NRXN3: variants seen among roughly 807,000 people sequenced by gnomAD.
NRXN3 encodes the protein neurexin III.
NRXN3 carries 32 observed loss-of-function variants against 137.6 expected under a neutral mutation model. That is an observed-to-expected ratio of 0.23 (90% CI 0.18 to 0.31). The LOEUF is 0.31. Ranked by LOEUF, NRXN3 falls within the 10% of genes least tolerant of loss-of-function variation. The pLI is 1.00. For missense variants in NRXN3, 1,574 were observed against 2,062.5 expected (o/e 0.76, Z 4.59); for synonymous variants, 798 against 784.5 (o/e 1.02, Z -0.29).
At chr14:79,387,869 C>T (rs1278491843) in intron 15 of NRXN3, among the ~76,000 whole-genome samples, 8 of 147,878 alleles carry the variant, frequency 5.4e-5, no homozygotes, top group East Asian at 2.0e-4. Context: ...AACCAAACAC[C>T]GCATGTTCTC....
At chr14:78,844,354 A>G (rs888598521) in intron 10 of NRXN3, among the ~76,000 whole-genome samples, 1 of 152,116 alleles carries the variant, frequency 6.6e-6, no homozygotes, top group African/African-American at 2.4e-5. Context: ...GCCATATGAG[A>G]TAACATTTAT....
At chr14:78,454,683 A>G (rs1458078376) in intron 4 of NRXN3, among the ~76,000 whole-genome samples, 3 of 152,222 alleles carry the variant, frequency 2.0e-5, no homozygotes, top group African/African-American at 4.8e-5. Flanking sequence ...ATAAGGTGCT[A>G]TGGTGCATAG....
chr14:78,799,180 G>T (rs1052117614), intron 8 of NRXN3, among the ~76,000 whole-genome samples: 3 of 152,102 alleles, frequency 2.0e-5, no homozygotes, highest in African/African-American at 7.2e-5. Context: ...TTGGACCTTT[G>T]TGTTCTATTT....
At chr14:78,189,454 T>G (rs1363757409) in intron 1 of NRXN3, among the ~76,000 whole-genome samples, 1 of 152,318 alleles carries the variant, frequency 6.6e-6, no homozygotes, top group African/African-American at 2.4e-5. Flanking sequence ...ACCCAGCACC[T>G]TCCTGCCCTT....
At chr14:78,805,611 A>C (rs1351087807) in intron 9 of NRXN3, among the ~76,000 whole-genome samples, 1 of 151,808 alleles carries the variant, frequency 6.6e-6, no homozygotes, top group African/African-American at 2.4e-5. Context: ...AAAAAAAAAA[A>C]AAACAGAACC....
chr14:78,719,430 C>CAGG (rs1349485579), intron 8 of NRXN3, among the ~76,000 whole-genome samples: 4 of 152,086 alleles, frequency 2.6e-5, no homozygotes, highest in Non-Finnish European at 4.4e-5. Flanking sequence ...GCAGCAGCAG[C>CAGG]AGCAAAAGCA....
chr14:79,277,410 T>C (rs958094281), intron 15 of NRXN3, among the ~76,000 whole-genome samples: 6 of 152,144 alleles, frequency 3.9e-5, no homozygotes, highest in Non-Finnish European at 8.8e-5. Flanking sequence ...AGTGGTTGAA[T>C]TGAGTGGAAA....
chr14:78,566,191 A>G (rs1222042513), intron 4 of NRXN3, among the ~76,000 whole-genome samples: 1 of 151,898 alleles, frequency 6.6e-6, no homozygotes, highest in Non-Finnish European at 1.5e-5. Context: ...CTCTAAAAAC[A>G]GGTGCCCCCG....
At chr14:79,828,406 G>A (rs953466827) in intron 20 of NRXN3, among the ~76,000 whole-genome samples, 29 of 151,962 alleles carry the variant, frequency 1.9e-4, no homozygotes, top group African/African-American at 6.8e-4. Context: ...GATCACCTGA[G>A]GTCAGAAGTT....
intron 16 of NRXN3, among the ~76,000 whole-genome samples, chr14:79,573,691 G>C (rs992272172): frequency 1.3e-4 from 20 of 152,186 alleles, no homozygotes; most frequent in African/African-American, 4.8e-4. Flanking sequence ...CTCAGCTGCT[G>C]TTGTGGTTAC....
chr14:79,120,650 C>T (rs1194281591), intron 15 of NRXN3, among the ~76,000 whole-genome samples: 3 of 151,974 alleles, frequency 2.0e-5, no homozygotes, highest in Non-Finnish European at 1.5e-5. Context: ...TTGATTTATC[C>T]TCCTCACTAT....
intron 15 of NRXN3, among the ~76,000 whole-genome samples, chr14:79,234,326 A>ATATATAATATT (rs2072938809): frequency 9.0e-6 from 1 of 111,708 alleles, no homozygotes; most frequent in African/African-American, 3.7e-5. Context: ...ATATATATAT[A>ATATATAATATT]TATATATATA....
intron 15 of NRXN3, among the ~76,000 whole-genome samples, chr14:79,252,200 T>A (rs896286133): frequency 6.6e-6 from 1 of 152,090 alleles, no homozygotes; most frequent in Non-Finnish European, 1.5e-5. Flanking sequence ...TCAAGGGTGG[T>A]GTATCTGAAT....
At chr14:78,415,357 C>T (rs1258149071) in intron 4 of NRXN3, among the ~76,000 whole-genome samples, 1 of 152,172 alleles carries the variant, frequency 6.6e-6, no homozygotes, top group Non-Finnish European at 1.5e-5. Flanking sequence ...TCTTTATTCT[C>T]TCATAACAAA....
intron 16 of NRXN3, among the ~76,000 whole-genome samples, chr14:79,578,976 T>C (rs1258187169): frequency 6.6e-6 from 1 of 152,188 alleles, no homozygotes; most frequent in Admixed American, 6.6e-5. Context: ...GTAATAATTA[T>C]TTAATAATAT....
intron 19 of NRXN3, among the ~76,000 whole-genome samples, chr14:79,710,972 A>G (rs1029726719): frequency 1.3e-5 from 2 of 151,592 alleles, no homozygotes; most frequent in African/African-American, 4.9e-5. Flanking sequence ...AAACTTTAGC[A>G]TGCTGATTGG....
intron 16 of NRXN3, among the ~76,000 whole-genome samples, chr14:79,520,811 C>G (rs934379041): frequency 1.3e-5 from 2 of 152,288 alleles, no homozygotes; most frequent in South Asian, 2.1e-4. Context: ...TGCTTTTACA[C>G]TTTGGTGGGA....
rs745411346 is a variant in NRXN3, at chr14:79,670,035, G to C, written c.3616+6086G>C. Among the ~76,000 whole-genome samples, 181 of 151,998 alleles carry C rather than the reference G, an allele frequency of 1.2e-3. 1 individual carries two copies. The highest frequency in any genetic ancestry group is 2.1e-3 in the Non-Finnish European group (140 of 67,980). ...ATGTTGCTATTGAGCAGTGTGGCTG[G>C]TATGACGGAGATTCTGAAATTTTTG... On this transcript the variant is annotated intron_variant, in intron 17 of 20. Coordinates refer to ENST00000335750, the MANE Select transcript of NRXN3 (RefSeq NM_001330195.2).
At chr14:78,572,659 G>A (rs1037579916) in intron 4 of NRXN3, among the ~76,000 whole-genome samples, 1 of 152,220 alleles carries the variant, frequency 6.6e-6, no homozygotes, top group African/African-American at 2.4e-5. Flanking sequence ...AAGCTCAGTT[G>A]TTGACATAGC....
Sources: allele counts gnomAD v4.1 joint callset (sites outside exome capture counted in the v4.1 genomes callset), GRCh38; gene constraint gnomAD v4.1.1; transcripts MANE v1.5; gene names NCBI Gene and HGNC (gene_info 2026-07-23, HGNC 2026-07-21).